TAFA1: variants seen among roughly 807,000 people sequenced by gnomAD.
TAFA1 encodes the protein TAFA chemokine like family member 1.
Under a neutral mutation model 18.5 loss-of-function variants are expected in TAFA1, and 4 were observed. The ratio of observed to expected loss-of-function variants is 0.22; its 90% CI spans 0.11 to 0.49. The LOEUF is 0.49. TAFA1 is among the 20% of genes least tolerant of loss of function. The probability of loss-of-function intolerance (pLI) is 0.98; values close to 1 mark genes in which losing one functional copy is unlikely to be tolerated. For synonymous variants in TAFA1, 56 were observed against 55.2 expected (o/e 1.01, Z -0.06); for missense variants, 147 against 169.0 (o/e 0.87, Z 0.72).
chr3:68,442,133 A>G (rs1027689876), intron 3 of TAFA1, among the ~76,000 whole-genome samples: 1 of 151,958 alleles, frequency 6.6e-6, no homozygotes, highest in East Asian at 1.9e-4. Flanking sequence ...CCCACTCCTT[A>G]TATCAATTTT....
At position 68,379,034 on chromosome 3, in the gene TAFA1, G is replaced by A. The variant is rs538162569; in HGVS notation, c.119-38246G>A. Among the ~76,000 whole-genome samples the A allele has an allele frequency of 1.0e-3, 158 of 152,264 alleles. 2 individuals carry two copies. Among genetic ancestry groups the A allele is most frequent in the Middle Eastern group, 0.01 (3 of 294 alleles). On this transcript the variant is annotated intron_variant, in intron 2 of 4. Transcript: ENST00000478136. ...AACAGAATAATACACCCAGTAAAGA[G>A]ATTGTTGGGTCAAATGTTATTTCTG... is the stretch of plus-strand genomic sequence containing the variant.
At chr3:68,515,654 G>C (rs186414453) in intron 3 of TAFA1, among the ~76,000 whole-genome samples, 1 of 152,158 alleles carries the variant, frequency 6.6e-6, no homozygotes, top group Non-Finnish European at 1.5e-5. Flanking sequence ...AATCAAAAAA[G>C]ATATCAAAAT....
At chr3:68,509,440 C>T (rs1276258010) in intron 3 of TAFA1, among the ~76,000 whole-genome samples, 2 of 152,094 alleles carry the variant, frequency 1.3e-5, no homozygotes, top group African/African-American at 4.8e-5. Context: ...CAAAATTCCA[C>T]TCTTCCACTA....
At chr3:68,379,839 A>G (rs895202977) in intron 2 of TAFA1, among the ~76,000 whole-genome samples, 1 of 151,738 alleles carries the variant, frequency 6.6e-6, no homozygotes, top group Admixed American at 6.6e-5. Context: ...ATAGGTATAC[A>G]TGTGCCATGT....
chr3:68,077,628 G>A (rs1268169092), intron 2 of TAFA1, among the ~76,000 whole-genome samples: 12 of 152,054 alleles, frequency 7.9e-5, no homozygotes, highest in African/African-American at 2.7e-4. Context: ...TAGATATGTG[G>A]CGTTATTTCT....
At chr3:68,080,959 G>A (rs894623200) in intron 2 of TAFA1, among the ~76,000 whole-genome samples, 14 of 152,140 alleles carry the variant, frequency 9.2e-5, no homozygotes, top group Admixed American at 2.0e-4. Flanking sequence ...CCAATCAGAC[G>A]TAGATTTGGT....
At chr3:68,222,280 G>A (rs73836805) in intron 2 of TAFA1, among the ~76,000 whole-genome samples, 2,160 of 152,214 alleles carry the variant, frequency 0.014, 46 homozygotes, top group East Asian at 0.092. Flanking sequence ...TTCACAAGAT[G>A]AATTTTATGC....
chr3:68,127,427 T>G (rs2065476771), intron 2 of TAFA1, among the ~76,000 whole-genome samples: 1 of 152,018 alleles, frequency 6.6e-6, no homozygotes, highest in Non-Finnish European at 1.5e-5. Context: ...TTCAAGCTGT[T>G]TTTGGTTATA....
intron 3 of TAFA1, among the ~76,000 whole-genome samples, chr3:68,438,645 T>A (rs2106859193): frequency 6.6e-6 from 1 of 152,266 alleles, no homozygotes; most frequent in Admixed American, 6.5e-5. Context: ...CTAGAGGAAG[T>A]TCTCTGTGGT....
intron 2 of TAFA1, among the ~76,000 whole-genome samples, chr3:68,071,702 C>A (rs189411764): frequency 2.6e-5 from 4 of 152,094 alleles, no homozygotes; most frequent in African/African-American, 4.8e-5. Flanking sequence ...TAATTTTTAA[C>A]GAAAAAAGAT....
intron 2 of TAFA1, among the ~76,000 whole-genome samples, chr3:68,061,072 A>G (rs1559721565): frequency 6.6e-6 from 1 of 152,296 alleles, no homozygotes; most frequent in South Asian, 2.1e-4. Flanking sequence ...TGGAGCTAAC[A>G]GTTGTAGAAA....
intron 2 of TAFA1, among the ~76,000 whole-genome samples, chr3:68,371,718 C>T (rs1486539943): frequency 6.6e-6 from 1 of 152,032 alleles, no homozygotes; most frequent in African/African-American, 2.4e-5. Flanking sequence ...GTGAAATCAC[C>T]TAAGATAGAT....
rs150087911 is a variant in TAFA1, at chr3:68,084,669, G to A, written c.118+77925G>A. Among the ~76,000 whole-genome samples, 29 of 152,096 alleles carry A rather than the reference G, an allele frequency of 1.9e-4. No individual in the cohort carries two copies. The East Asian group carries it at 5.4e-3, about 28-fold the overall frequency. On this transcript the variant is annotated intron_variant, in intron 2 of 4. Transcript: ENST00000478136. ...CAAAATTAGCTGGGCGCGGTGGCAG[G>A]CGGCTGTGATCCCAGCTACTTGGGA...
chr3:68,272,101 C>T (rs1243322969), intron 2 of TAFA1, among the ~76,000 whole-genome samples: 3 of 152,168 alleles, frequency 2.0e-5, no homozygotes, highest in Non-Finnish European at 4.4e-5. Flanking sequence ...ATTGCAGTTG[C>T]TTTCTGCCAA....
intron 2 of TAFA1, among the ~76,000 whole-genome samples, chr3:68,161,645 C>T (rs937167908): frequency 2.6e-5 from 4 of 152,132 alleles, no homozygotes; most frequent in Admixed American, 1.3e-4. Context: ...TAAATGTTTG[C>T]TTATATCATT....
intron 2 of TAFA1, among the ~76,000 whole-genome samples, chr3:68,210,206 C>T (rs2107064601): frequency 6.6e-6 from 1 of 152,122 alleles, no homozygotes; most frequent in East Asian, 1.9e-4. Context: ...AAAATGAAAT[C>T]TAACTTATAA....
chr3:68,418,891 A>G (rs539174409), intron 3 of TAFA1, among the ~76,000 whole-genome samples: 1 of 152,320 alleles, frequency 6.6e-6, no homozygotes, highest in African/African-American at 2.4e-5. Flanking sequence ...TTAGCAGCTT[A>G]AAACAGAAAA....
intron 2 of TAFA1, among the ~76,000 whole-genome samples, chr3:68,335,726 A>T (rs1241669797): frequency 6.6e-6 from 1 of 152,204 alleles, no homozygotes; most frequent in Non-Finnish European, 1.5e-5. Flanking sequence ...AATTATAAAA[A>T]TTACTGGATA....
chr3:68,037,721 A>G (rs1423100019), intron 2 of TAFA1, among the ~76,000 whole-genome samples: 1 of 152,146 alleles, frequency 6.6e-6, no homozygotes, highest in Non-Finnish European at 1.5e-5. Context: ...TAAGATTTGC[A>G]TTTTAGAGAG....
Sources: gnomAD v4.1 joint callset for allele counts (sites outside exome capture counted in the v4.1 genomes callset) on GRCh38, gnomAD v4.1.1 for gene constraint, MANE v1.5 for transcripts, NCBI Gene and HGNC (gene_info 2026-07-23, HGNC 2026-07-21) for gene names.